LRRC38: variants seen among roughly 807,000 people sequenced by gnomAD.
LRRC38 encodes the protein leucine rich repeat containing 38, also known as leucine-rich repeat-containing protein 38.
In LRRC38, 5 loss-of-function variants were observed where a neutral mutation model predicts 16.4. The observed-to-expected ratio is 0.31, with a 90% CI of 0.16 to 0.64. The LOEUF (loss-of-function observed/expected upper bound fraction) is 0.64. LRRC38 is among the 30% of genes least tolerant of loss of function. The pLI is 0.80. For synonymous variants in LRRC38, 191 were observed against 190.2 expected (o/e 1.00, Z -0.04); for missense variants, 341 against 401.8 (o/e 0.85, Z 1.29).
intron 1 of LRRC38, among the ~76,000 whole-genome samples, chr1:13,489,830 G>A (rs940323562): frequency 1.5e-4 from 23 of 152,094 alleles, no homozygotes; most frequent in African/African-American, 3.9e-4. Context: ...CGTCTCCACC[G>A]CAGACACTTC....
chr1:13,512,936 T>TCCCC (rs2100531300), intron 1 of LRRC38, 27 bp downstream of exon 1: 46 of 442,406 alleles, frequency 1.0e-4, no homozygotes, highest in South Asian at 4.4e-4. Flanking sequence ...CCTCCCTCCC[T>TCCCC]CCCCCAGCCT....
rs2100532523 is a variant in LRRC38, at chr1:13,513,518, G to T, written c.76C>A (p.His26Asn). The T allele has an allele frequency of 2.8e-6, 4 of 1,442,820 alleles. No individual in the cohort carries two copies. The highest frequency in any genetic ancestry group is 2.6e-5 in the East Asian group (1 of 39,016). The allele number at this position is 1,442,820 out of a possible 1,614,324, so 89.4% of individuals were successfully genotyped here. Reference sequence around the variant, plus strand: ...CAGGCGCAGCCCGCGGGGCACGCGTGCCCGGGCGCGAGCAGCAGCAGAAGG... The same window carrying T: ...CAGGCGCAGCCCGCGGGGCACGCGTTCCCGGGCGCGAGCAGCAGCAGAAGG... ...CSLLLLLAPGHACPAGCACTD... is the reference protein window; with the variant it reads ...CSLLLLLAPGNACPAGCACTD... The change falls in exon 1 of 2, where the codon CAC becomes AAC. Residue 26 changes from histidine (H) to asparagine (N), a missense_variant. His to Asn is a moderately conservative substitution (Grantham distance 68). Coordinates refer to ENST00000376085, the MANE Select transcript of LRRC38 (RefSeq NM_001010847.2).
intron 1 of LRRC38, among the ~76,000 whole-genome samples, chr1:13,480,286 A>G (rs1412377837): frequency 6.6e-6 from 1 of 152,252 alleles, no homozygotes; most frequent in Non-Finnish European, 1.5e-5. Flanking sequence ...TAGAGGCTGC[A>G]GTGAGCCGAG....
intron 1 of LRRC38, among the ~76,000 whole-genome samples, chr1:13,510,487 A>G (rs1257549764): frequency 2.0e-5 from 3 of 152,178 alleles, no homozygotes; most frequent in South Asian, 2.1e-4. Context: ...CCTCCTAACA[A>G]GCCTAGAAGG....
intron 1 of LRRC38, among the ~76,000 whole-genome samples, chr1:13,498,995 G>A (rs1345670176): frequency 6.6e-6 from 1 of 152,112 alleles, no homozygotes; most frequent in Non-Finnish European, 1.5e-5. Context: ...TCTTCACGTG[G>A]CCTTCTCCCG....
intron 1 of LRRC38, among the ~76,000 whole-genome samples, chr1:13,492,172 T>C (rs1206069327): frequency 2.6e-5 from 4 of 152,214 alleles, no homozygotes; most frequent in Non-Finnish European, 5.9e-5. Context: ...TTCTGTGAGT[T>C]TGACTACTCT....
chr1:13,510,175 C>T lies in LRRC38; in HGVS notation c.631+2788G>A, dbSNP rs536443122. 6.0e-4 allele frequency among the ~76,000 whole-genome samples: 92 copies of T among 152,242 alleles called. 1 individual carries two copies. The highest frequency in any genetic ancestry group is 5.9e-5 in the Non-Finnish European group (4 of 68,002). ...AGGGTAGGATCCTCTTTGCTCCTTC[C>T]TTCAATTTCCTCCCCCGGAAGAGGC... On this transcript the variant is annotated intron_variant, in intron 1 of 1. Transcript: ENST00000376085.
At chr1:13,497,130 G>A (rs1307364747) in intron 1 of LRRC38, among the ~76,000 whole-genome samples, 1 of 152,146 alleles carries the variant, frequency 6.6e-6, no homozygotes, top group Non-Finnish European at 1.5e-5. Context: ...GATCACAGGA[G>A]GCCTTGTGAG....
chr1:13,482,453 G>A (rs535338563), intron 1 of LRRC38, among the ~76,000 whole-genome samples: 1 of 152,046 alleles, frequency 6.6e-6, no homozygotes, highest in South Asian at 2.1e-4. Flanking sequence ...GGTGGCGCAC[G>A]CCTCTACTCC....
intron 1 of LRRC38, among the ~76,000 whole-genome samples, chr1:13,507,137 A>C (rs747052662): frequency 3.9e-5 from 6 of 152,184 alleles, no homozygotes; most frequent in Non-Finnish European, 7.3e-5. Flanking sequence ...CCAGGCAGCA[A>C]CCAAGGCAGA....
Sources: allele counts gnomAD v4.1 joint callset (sites outside exome capture counted in the v4.1 genomes callset), GRCh38; gene constraint gnomAD v4.1.1; transcripts MANE v1.5; gene names NCBI Gene and HGNC (gene_info 2026-07-23, HGNC 2026-07-21).